FRMD4B: variants seen among roughly 807,000 people sequenced by gnomAD.
FRMD4B encodes FERM domain-containing protein 4B.
In FRMD4B, 74 loss-of-function variants were observed where a neutral mutation model predicts 141.5. The observed-to-expected ratio is 0.52, with a 90% CI of 0.43 to 0.63. FRMD4B has a LOEUF of 0.63. FRMD4B is among the 30% of genes least tolerant of loss of function. The pLI, the probability that FRMD4B is intolerant of heterozygous loss-of-function variation, is 0.00. For synonymous variants in FRMD4B, 506 were observed against 467.9 expected (o/e 1.08, Z -1.05); for missense variants, 1,366 against 1,253.4 (o/e 1.09, Z -1.36).
intron 1 of FRMD4B, among the ~76,000 whole-genome samples, chr3:69,352,628 T>G (rs1334594667): frequency 6.6e-6 from 1 of 152,178 alleles, no homozygotes; most frequent in Non-Finnish European, 1.5e-5. Flanking sequence ...CTTAATGAGT[T>G]TGCCATAACC....
At chr3:69,475,291 G>T (rs1401125207) in intron 1 of FRMD4B, among the ~76,000 whole-genome samples, 1 of 151,776 alleles carries the variant, frequency 6.6e-6, no homozygotes, top group Non-Finnish European at 1.5e-5. Flanking sequence ...GTGCCATGCT[G>T]CTGTGCTGCA....
rs1575798484 is a variant in FRMD4B at position 69,425,962 on chromosome 3, A to G, written c.-1+6672T>C. ...AAAAAGAAATGAACCGTCAGGTGATAATTAGTTTCAAAGTCTACCATAACA... is the reference window on the plus strand; with the variant it reads ...AAAAAGAAATGAACCGTCAGGTGATGATTAGTTTCAAAGTCTACCATAACA... On this transcript the variant is annotated intron_variant, in intron 2 of 5. Transcript: ENST00000459638. Among the ~76,000 whole-genome samples, 5 of 152,344 alleles carry G rather than the reference A, an allele frequency of 3.3e-5. No individual in the cohort carries two copies. In the South Asian group the frequency reaches 8.3e-4, roughly 25 times the overall value.
intron 19 of FRMD4B, among the ~76,000 whole-genome samples, 159 bp downstream of exon 19, chr3:69,187,611 C>A (rs1189419600): frequency 6.7e-6 from 1 of 148,576 alleles, no homozygotes; most frequent in African/African-American, 2.5e-5. Flanking sequence ...TTGCTGTGAA[C>A]AACAAACTGG....
intron 2 of FRMD4B, among the ~76,000 whole-genome samples, chr3:69,428,753 AT>A (rs1423839795): frequency 6.6e-6 from 1 of 152,186 alleles, no homozygotes; most frequent in Non-Finnish European, 1.5e-5. Flanking sequence ...TATTAAGTAC[AT>A]TCACATTGTT....
At chr3:69,245,561 A>G (rs1054059946) in intron 7 of FRMD4B, among the ~76,000 whole-genome samples, 1 of 151,912 alleles carries the variant, frequency 6.6e-6, no homozygotes, top group Non-Finnish European at 1.5e-5. Context: ...TGGCCAGGCT[A>G]GTCTCAAACT....
chr3:69,474,697 G>A (rs1705953741), intron 1 of FRMD4B, among the ~76,000 whole-genome samples: 3 of 144,088 alleles, frequency 2.1e-5, no homozygotes, highest in South Asian at 2.2e-4. Context: ...CATTGCTGCC[G>A]ATCTTGTGTG....
intron 22 of FRMD4B, among the ~76,000 whole-genome samples, chr3:69,174,327 T>C (rs948415174): frequency 5.3e-5 from 8 of 152,146 alleles, no homozygotes; most frequent in African/African-American, 1.9e-4. Flanking sequence ...CATGGTTATG[T>C]TATGATGTTA....
intron 1 of FRMD4B, among the ~76,000 whole-genome samples, chr3:69,355,324 A>C (rs1183863550): frequency 6.6e-6 from 1 of 152,230 alleles, no homozygotes; most frequent in Non-Finnish European, 1.5e-5. Context: ...TATTTCATAT[A>C]CATTTCTAAA....
chr3:69,445,626 C>T (rs1243969504), intron 1 of FRMD4B, among the ~76,000 whole-genome samples: 1 of 152,148 alleles, frequency 6.6e-6, no homozygotes, highest in Non-Finnish European at 1.5e-5. Context: ...CTCAATACAC[C>T]CCACATTGGC....
chr3:69,352,037 C>G (rs1703167244), intron 1 of FRMD4B, among the ~76,000 whole-genome samples: 1 of 152,180 alleles, frequency 6.6e-6, no homozygotes, highest in Admixed American at 6.5e-5. Flanking sequence ...CTGCATACTT[C>G]AAATGTAGGA....
chr3:69,478,657 G>A (rs1339387532), intron 1 of FRMD4B, among the ~76,000 whole-genome samples: 1 of 152,070 alleles, frequency 6.6e-6, no homozygotes, highest in Admixed American at 6.5e-5. Flanking sequence ...GGTGTGGTGT[G>A]GTGCTGAAAA....
At chr3:69,225,517 TACAAAAAAAAA>T (rs1316039303) in intron 7 of FRMD4B, among the ~76,000 whole-genome samples, 6 of 2,752 alleles carry the variant, frequency 2.2e-3, no homozygotes, top group African/African-American at 5.1e-3. Flanking sequence ...CTACTAAAAA[TACAAAAAAAAA>T]AAAAAAAAAA....
At chr3:69,354,779 T>C (rs1406639587) in intron 1 of FRMD4B, among the ~76,000 whole-genome samples, 4 of 152,168 alleles carry the variant, frequency 2.6e-5, no homozygotes, top group Non-Finnish European at 5.9e-5. Context: ...AAGACTCTAA[T>C]TACTATGACC....
At chr3:69,499,605 C>T (rs1706459260) in intron 1 of FRMD4B, among the ~76,000 whole-genome samples, 1 of 152,128 alleles carries the variant, frequency 6.6e-6, no homozygotes, top group Non-Finnish European at 1.5e-5. Flanking sequence ...CTATAGCTCT[C>T]CAGTAATCTC....
At chr3:69,185,286 G>A (rs1437887501) in intron 19 of FRMD4B, among the ~76,000 whole-genome samples, 1 of 140,472 alleles carries the variant, frequency 7.1e-6, no homozygotes, top group Non-Finnish European at 1.5e-5. Context: ...GGGTGGCAGA[G>A]TGAGACTCCG....
chr3:69,267,834 T>C (rs574746889), intron 5 of FRMD4B, among the ~76,000 whole-genome samples: 58 of 149,862 alleles, frequency 3.9e-4, no homozygotes, highest in South Asian at 3.5e-3. Flanking sequence ...GATTTCATCA[T>C]GTTGGCCAGG....
intron 14 of FRMD4B, among the ~76,000 whole-genome samples, chr3:69,195,956 T>C (rs142623397): frequency 4.9e-4 from 74 of 152,268 alleles, no homozygotes; most frequent in African/African-American, 1.5e-3. Flanking sequence ...ATTATCTGTA[T>C]CAAAAACTGA....
At chr3:69,314,788 T>C (rs1340464996) in intron 1 of FRMD4B, among the ~76,000 whole-genome samples, 2 of 152,172 alleles carry the variant, frequency 1.3e-5, no homozygotes, top group Non-Finnish European at 2.9e-5. Flanking sequence ...TAAGCTGAGA[T>C]TGTACCACTG....
chr3:69,221,794 T>G, intron 9 of FRMD4B, 64 bp downstream of exon 9: 6 of 821,406 alleles, frequency 7.3e-6, no homozygotes, highest in South Asian at 7.2e-5. Flanking sequence ...CAGAAATCAT[T>G]TCAAGTGATA....
Sources: allele counts gnomAD v4.1 joint callset (sites outside exome capture counted in the v4.1 genomes callset), GRCh38; gene constraint gnomAD v4.1.1; transcripts MANE v1.5; gene names NCBI Gene and HGNC (gene_info 2026-07-23, HGNC 2026-07-21).